Variants in BAZ2B observed in about 807,000 individuals in gnomAD.
The protein encoded by BAZ2B is bromodomain adjacent to zinc finger domain 2B, also known as bromodomain adjacent to zinc finger domain protein 2B.
A neutral mutation model predicts 246.0 loss-of-function variants in BAZ2B; 91 were observed. That is an observed-to-expected ratio of 0.37 (90% confidence interval 0.31 to 0.44). BAZ2B has a LOEUF of 0.44. Among genes scored for constraint, BAZ2B ranks in the 20% least tolerant of loss-of-function variants. The pLI, the probability that BAZ2B is intolerant of heterozygous loss-of-function variation, is 1.00. For missense variants in BAZ2B, 2,332 were observed against 2,533.7 expected (o/e 0.92, Z 1.71); for synonymous variants, 855 against 860.0 (o/e 0.99, Z 0.10).
At chr2:159,357,500 T>C (rs1182608882) in intron 27 of BAZ2B, among the ~76,000 whole-genome samples, 3 of 152,212 alleles carry the variant, frequency 2.0e-5, no homozygotes, top group Admixed American at 6.5e-5. Flanking sequence ...GTTTGATTAG[T>C]GTACCTGAAA....
chr2:159,462,197 C>A, intron 3 of BAZ2B: 6 of 433,828 alleles, frequency 1.4e-5, no homozygotes, highest in Admixed American at 4.0e-5. Context: ...ATAGCAATAA[C>A]AGAAAATTAC....
intron 13 of BAZ2B, among the ~76,000 whole-genome samples, chr2:159,417,995 G>C (rs1265139619): frequency 6.6e-6 from 1 of 152,216 alleles, no homozygotes; most frequent in Non-Finnish European, 1.5e-5. Flanking sequence ...TTTTGGGAGA[G>C]AGAACTGGCT....
At chr2:159,469,784 C>A (rs1413409677) in intron 3 of BAZ2B, among the ~76,000 whole-genome samples, 2 of 151,986 alleles carry the variant, frequency 1.3e-5, no homozygotes, top group Non-Finnish European at 2.9e-5. Context: ...TAGTATCTTA[C>A]AACAACAACA....
intron 2 of BAZ2B, among the ~76,000 whole-genome samples, chr2:159,525,366 G>A (rs527812565): frequency 1.2e-4 from 19 of 152,278 alleles, no homozygotes; most frequent in African/African-American, 4.3e-4. Context: ...TAACACGCAA[G>A]AGTTAATATA....
rs950008841 is a variant in BAZ2B at position 159,385,260 on chromosome 2, G to A, written c.3581C>T (p.Thr1194Ile). The A allele has an allele frequency of 1.9e-6, 3 of 1,613,426 alleles. No homozygotes were observed. The highest frequency in any genetic ancestry group is 2.5e-6 in the Non-Finnish European group (3 of 1,179,676). ...AAAAGCTTTGGTCTTCAGACTTTCA[G>A]TAAGCTCAGTTTGTCCACAGTGGGC... ...MEAHCGQTEL[T>I]ESLKTKAFQA... The change falls in exon 23 of 37, where the codon ACT becomes ATT. Residue 1194 changes from threonine to isoleucine, a missense_variant. Coordinates refer to ENST00000392783, the MANE Select transcript of BAZ2B (RefSeq NM_013450.4).
intron 4 of BAZ2B, among the ~76,000 whole-genome samples, chr2:159,451,572 T>C (rs963764219): frequency 4.6e-5 from 7 of 152,214 alleles, no homozygotes; most frequent in Admixed American, 1.3e-4. Flanking sequence ...GGCATACTTT[T>C]ATCACTAAAG....
chr2:159,490,388 C>T (rs1401196399), intron 2 of BAZ2B, among the ~76,000 whole-genome samples: 1 of 152,208 alleles, frequency 6.6e-6, no homozygotes, highest in African/African-American at 2.4e-5. Flanking sequence ...AGTTTACTAG[C>T]ATGGGTATGA....
At chr2:159,500,841 C>A (rs1194053549) in intron 2 of BAZ2B, among the ~76,000 whole-genome samples, 8 of 151,358 alleles carry the variant, frequency 5.3e-5, no homozygotes, top group Non-Finnish European at 1.2e-4. Context: ...GTAATCCCAG[C>A]TACTTGGGAG....
intron 1 of BAZ2B, among the ~76,000 whole-genome samples, chr2:159,563,602 A>G (rs533057203): frequency 2.6e-5 from 4 of 152,354 alleles, no homozygotes; most frequent in Admixed American, 2.6e-4. Context: ...TTCTACACAT[A>G]TGTGGTACCC....
intron 2 of BAZ2B, among the ~76,000 whole-genome samples, chr2:159,543,456 T>A (rs929723446): frequency 1.3e-5 from 2 of 152,114 alleles, no homozygotes; most frequent in African/African-American, 4.8e-5. Flanking sequence ...GAGATGCTTA[T>A]CCTTTTGTGG....
At position 159,337,015 on chromosome 2, in the gene BAZ2B, C is replaced by T. The variant is rs2065794258; in HGVS notation, c.5723G>A (p.Ser1908Asn). The T allele has an allele frequency of 3.7e-6, 6 of 1,611,102 alleles. No individual in the cohort carries two copies. The highest frequency in any genetic ancestry group is 1.1e-5 in the South Asian group (1 of 91,022). ...AATGCACAGAGCTACCTGTGCAGCACTGCGAGCTTCTGATAATGCCCTTCT... is the reference window on the plus strand; with the variant it reads ...AATGCACAGAGCTACCTGTGCAGCATTGCGAGCTTCTGATAATGCCCTTCT... Reference protein sequence around the residue: ...VWRRALSEARSAAQVALCIQQ... With the variant: ...VWRRALSEARNAAQVALCIQQ... Residue 1908 changes from serine (S) to asparagine (N), a missense_variant, in exon 33 of 37, where the codon AGT becomes AAT. This residue lies in a region of BAZ2B where 53 missense variants were observed against 62.0 expected (regional missense o/e 0.86). Coordinates refer to ENST00000392783, the MANE Select transcript of BAZ2B (RefSeq NM_013450.4).
the BAZ2B span, among the ~76,000 whole-genome samples, chr2:159,627,045 C>G: frequency 6.6e-6 from 1 of 152,014 alleles, no homozygotes; most frequent in Non-Finnish European, 1.5e-5. Context: ...AACACCTCTA[C>G]GCAAATAAAC....
intron 1 of BAZ2B, among the ~76,000 whole-genome samples, chr2:159,600,547 AACATACATTC>A (rs1691894935): frequency 6.6e-6 from 1 of 152,252 alleles, no homozygotes; most frequent in Non-Finnish European, 1.5e-5. Context: ...AAATCTGAAT[AACATACATTC>A]ACATGATCTT....
chr2:159,652,943 T>G, the BAZ2B span, among the ~76,000 whole-genome samples: 5 of 18,204 alleles, frequency 2.7e-4, no homozygotes, highest in African/African-American at 2.0e-3. Context: ...ATTTTTATTT[T>G]TATTTTTTTT....
In BAZ2B at chr2:159,438,570, G is replaced by C; in HGVS notation, c.1026C>G (p.Ser342=). The C allele has an allele frequency of 6.2e-7, 1 of 1,614,124 alleles. No homozygotes were observed. Among genetic ancestry groups the C allele is most frequent in the Non-Finnish European group, 8.5e-7 (1 of 1,180,008 alleles). Residue 342 remains serine (S), a synonymous_variant, in exon 8 of 37, where the codon TCC becomes TCG. Transcript: ENST00000392783. ...ASESQTHSFQ[S]QQKQPQVLSQ... is the part of the protein sequence containing the mutation. ...ACAAAACCTGAGGCTGCTTCTGCTG[G>C]GATTGGAATGAGTGAGTCTGGGATT...
intron 4 of BAZ2B, among the ~76,000 whole-genome samples, chr2:159,449,396 T>C (rs1012638977): frequency 6.6e-6 from 1 of 151,268 alleles, no homozygotes; most frequent in Admixed American, 6.6e-5. Context: ...ATAAGAACAT[T>C]AGAGGAAAAA....
intron 1 of BAZ2B, among the ~76,000 whole-genome samples, chr2:159,601,178 A>C (rs908397172): frequency 6.6e-6 from 1 of 152,176 alleles, no homozygotes; most frequent in Non-Finnish European, 1.5e-5. Context: ...TCTTATTCCA[A>C]ATATTTAAAA....
At chr2:159,553,612 T>A (rs1433454398) in intron 2 of BAZ2B, among the ~76,000 whole-genome samples, 4 of 151,342 alleles carry the variant, frequency 2.6e-5, no homozygotes, top group Non-Finnish European at 5.9e-5. Context: ...GTGGAATTGA[T>A]AATGGCCAGG....
chr2:159,689,976 AT>A, the BAZ2B span: 3 of 373,650 alleles, frequency 8.0e-6, no homozygotes, highest in Non-Finnish European at 1.5e-5. Context: ...ATTGTCTGCC[AT>A]TTTTTGACCA....
Sources: allele counts gnomAD v4.1 joint callset (sites outside exome capture counted in the v4.1 genomes callset), GRCh38; gene constraint gnomAD v4.1.1; regional missense constraint gnomAD v4.1.1; transcripts MANE v1.5; gene names NCBI Gene and HGNC (gene_info 2026-07-23, HGNC 2026-07-21).